The following KIAA0319L variants were observed in gnomAD, a reference collection of about 807,000 sequenced individuals.
KIAA0319L encodes KIAA0319 like.
A neutral mutation model predicts 120.1 loss-of-function variants in KIAA0319L; 55 were observed. That is an observed-to-expected ratio of 0.46 (90% CI 0.37 to 0.57). The LOEUF (loss-of-function observed/expected upper bound fraction) is 0.57, where lower values mean the gene tolerates loss of function less well. Among genes scored for constraint, KIAA0319L ranks in the 20% least tolerant of loss-of-function variants. KIAA0319L has a pLI of 0.00. For missense variants in KIAA0319L, 1,049 were observed against 1,255.3 expected (o/e 0.84, Z 2.48); for synonymous variants, 398 against 471.9 (o/e 0.84, Z 2.03).
intron 3 of KIAA0319L, among the ~76,000 whole-genome samples, chr1:35,502,978 A>T (rs1436606367): frequency 6.6e-6 from 1 of 152,138 alleles, no homozygotes; most frequent in East Asian, 1.9e-4. Flanking sequence ...GATCAGTACC[A>T]CTGTTATAAA....
intron 6 of KIAA0319L, among the ~76,000 whole-genome samples, chr1:35,468,062 T>C (rs1275898569): frequency 6.6e-6 from 1 of 152,242 alleles, no homozygotes; most frequent in African/African-American, 2.4e-5. Context: ...CACATAAGCA[T>C]TTCTAATTGT....
chr1:35,461,259 G>A (rs1642869579), intron 8 of KIAA0319L, among the ~76,000 whole-genome samples: 1 of 152,148 alleles, frequency 6.6e-6, no homozygotes, highest in East Asian at 1.9e-4. Context: ...CTGAGGTCAG[G>A]AGTTTGAGAC....
chr1:35,478,267 G>A (rs923251329), intron 4 of KIAA0319L, among the ~76,000 whole-genome samples: 1 of 148,880 alleles, frequency 6.7e-6, no homozygotes, highest in South Asian at 2.2e-4. Context: ...GCGAAGGGTA[G>A]TGTGGGGGTA....
chr1:35,493,876 T>A (rs1234163179), intron 3 of KIAA0319L, among the ~76,000 whole-genome samples: 2 of 151,614 alleles, frequency 1.3e-5, no homozygotes, highest in Non-Finnish European at 2.9e-5. Context: ...AACAAAAAGA[T>A]CTGTACACCA....
chr1:35,513,761 A>G (rs1208574384), intron 2 of KIAA0319L, among the ~76,000 whole-genome samples: 1 of 152,174 alleles, frequency 6.6e-6, no homozygotes, highest in East Asian at 1.9e-4. Context: ...TATTTCTTAA[A>G]AGCAGCTTTA....
chr1:35,524,057 ACTAC>A (rs1558586526), intron 2 of KIAA0319L, among the ~76,000 whole-genome samples: 1 of 152,240 alleles, frequency 6.6e-6, no homozygotes, highest in Non-Finnish European at 1.5e-5. Context: ...TGACAGGATG[ACTAC>A]CTATTCGTCT....
chr1:35,506,841 T>C lies in KIAA0319L; in HGVS notation c.437A>G (p.Asp146Gly), dbSNP rs2148402506. 6 of 1,614,240 alleles carry C rather than the reference T, an allele frequency of 3.7e-6. No homozygotes were observed. The highest frequency in any genetic ancestry group is 2.5e-6 in the Non-Finnish European group (3 of 1,180,046). The change falls in exon 3 of 21, where the codon GAT becomes GGT. Residue 146 changes from aspartate to glycine, a missense_variant. Asp to Gly is a moderately conservative substitution (Grantham distance 94). Transcript: ENST00000325722. This position sits in a 1 kb window ranked among gnomAD's most constrained non-coding sequence, Gnocchi z 4.0. The stretch of plus-strand genomic sequence containing the variant: ...TAGCCCCAGAAGATGTGGTACATCA[T>C]CTTCAGGTAGAAAGCCCAAATCATC... ...TADDLGFLPEDDVPHLLGLGW... is the reference protein window; with the variant it reads ...TADDLGFLPEGDVPHLLGLGW...
intron 16 of KIAA0319L, among the ~76,000 whole-genome samples, chr1:35,445,029 A>G (rs928792254): frequency 6.6e-6 from 1 of 152,156 alleles, no homozygotes; most frequent in Non-Finnish European, 1.5e-5. Context: ...GAGTTTTACA[A>G]TTAGAACCTT....
At chr1:35,439,778 A>G (rs2149071156) in intron 20 of KIAA0319L, 1 of 152,370 alleles carries the variant, frequency 6.6e-6, no homozygotes, top group Middle Eastern at 3.4e-3. Flanking sequence ...CCTGGGTGAC[A>G]GAGCAAGACC....
intron 20 of KIAA0319L, chr1:35,435,436 G>A (rs960139741): frequency 1.6e-5 from 3 of 193,422 alleles, no homozygotes; most frequent in Non-Finnish European, 2.1e-5. Context: ...GGAATGACAT[G>A]GTAGGCAGGA....
chr1:35,469,794 C>T (rs1643499965), intron 6 of KIAA0319L, among the ~76,000 whole-genome samples: 1 of 151,872 alleles, frequency 6.6e-6, no homozygotes, highest in Non-Finnish European at 1.5e-5. Flanking sequence ...GGTAAATCCC[C>T]AATGCCTGCC....
intron 9 of KIAA0319L, 49 bp from the exon 10 acceptor site, chr1:35,456,290 A>T (rs1461571562): frequency 1.6e-6 from 2 of 1,224,348 alleles, no homozygotes; most frequent in Non-Finnish European, 2.3e-6. Context: ...TTAAGGAAAG[A>T]GGAATAAACA....
At chr1:35,541,188 T>G (rs1257914282) in intron 2 of KIAA0319L, among the ~76,000 whole-genome samples, 2 of 152,056 alleles carry the variant, frequency 1.3e-5, no homozygotes, top group African/African-American at 4.8e-5. Context: ...ACGATCCACC[T>G]GCCTCGGCCT....
chr1:35,549,891 C>T (rs971247888), intron 2 of KIAA0319L, among the ~76,000 whole-genome samples: 1 of 152,146 alleles, frequency 6.6e-6, no homozygotes, highest in Non-Finnish European at 1.5e-5. Context: ...CCTTGGTACC[C>T]GCTAAGAATA....
At chr1:35,537,198 G>T (rs1646608669) in intron 2 of KIAA0319L, among the ~76,000 whole-genome samples, 1 of 152,144 alleles carries the variant, frequency 6.6e-6, no homozygotes, top group African/African-American at 2.4e-5. Flanking sequence ...CCAATTCCCT[G>T]TGTAGCCCAC....
chr1:35,433,542 G>T lies in KIAA0319L; in HGVS notation c.*1352C>A, dbSNP rs1394256452. ...TCCCACAATGGACAGTAGTGCAGTA[G>T]TAGAAATTATAAGTGTCTCTTTAAA... On this transcript the variant is annotated 3_prime_UTR_variant, in exon 21 of 21. Transcript: ENST00000325722. The T allele has an allele frequency of 6.6e-6, 1 of 152,282 alleles. No individual in the cohort carries two copies. The highest frequency in any genetic ancestry group is 1.5e-5 in the Non-Finnish European group (1 of 68,100). 9.4% of individuals were successfully genotyped at this position (152,282 alleles called of 1,614,324 possible). A position where few individuals can be genotyped will look rare whatever the true frequency, so the allele number is the denominator to read the frequency against.
At chr1:35,460,559 G>A in intron 8 of KIAA0319L, 122 bp from the exon 9 acceptor site, 1 of 809,510 alleles carries the variant, frequency 1.2e-6, no homozygotes, top group Non-Finnish European at 2.0e-6. Context: ...TGAAATTACA[G>A]ACTATCTCTC....
At chr1:35,488,103 GA>G (rs1357762614) in intron 3 of KIAA0319L, among the ~76,000 whole-genome samples, 3 of 152,080 alleles carry the variant, frequency 2.0e-5, no homozygotes, top group African/African-American at 7.2e-5. Context: ...ATGCCCTCAG[GA>G]AAAAATTTTT....
chr1:35,528,581 G>A (rs901520824), intron 2 of KIAA0319L, among the ~76,000 whole-genome samples: 1 of 152,320 alleles, frequency 6.6e-6, no homozygotes, highest in South Asian at 2.1e-4. Flanking sequence ...ATGGGAATGT[G>A]TATTTTGCAG....
Sources: allele counts gnomAD v4.1 joint callset (sites outside exome capture counted in the v4.1 genomes callset), GRCh38; gene constraint gnomAD v4.1.1; non-coding constraint Gnocchi (gnomAD v3.1); transcripts MANE v1.5; gene names NCBI Gene and HGNC (gene_info 2026-07-23, HGNC 2026-07-21).